TOX3: variants seen among roughly 807,000 people sequenced by gnomAD.
TOX3 encodes the protein CAG trinucleotide repeat-containing gene F9 protein.
Under a neutral mutation model 64.3 loss-of-function variants are expected in TOX3, and 22 were observed. The ratio of observed to expected loss-of-function variants is 0.34; its 90% CI spans 0.24 to 0.49. The LOEUF is 0.49. Ranked by LOEUF, TOX3 falls within the 20% of genes least tolerant of loss-of-function variation. The probability of loss-of-function intolerance (pLI) is 0.99; values close to 1 mark genes in which losing one functional copy is unlikely to be tolerated. For missense variants in TOX3, 661 were observed against 714.4 expected (o/e 0.93, Z 0.85); for synonymous variants, 291 against 273.6 (o/e 1.06, Z -0.63).
intron 2 of TOX3, among the ~76,000 whole-genome samples, chr16:52,465,623 A>C (rs1960843088): frequency 6.6e-6 from 1 of 151,870 alleles, no homozygotes; most frequent in African/African-American, 2.4e-5. Context: ...TGCTATTATC[A>C]GTTAAGAGGA....
chr16:52,485,246 G>GTGTGTATATATATATATATATA (rs1555484130), intron 1 of TOX3, among the ~76,000 whole-genome samples: 4 of 127,890 alleles, frequency 3.1e-5, no homozygotes, highest in African/African-American at 1.3e-4. Context: ...ATGTGTGTGT[G>GTGTGTATATATATATATATATA]TATATATATA....
chr16:52,491,082 A>G (rs1158297079), intron 1 of TOX3, among the ~76,000 whole-genome samples: 1 of 152,204 alleles, frequency 6.6e-6, no homozygotes, highest in African/African-American at 2.4e-5. Context: ...CAGCCTAATT[A>G]AAACTCTTTT....
chr16:52,480,129 G>T (rs553308590), intron 1 of TOX3, among the ~76,000 whole-genome samples: 1 of 152,188 alleles, frequency 6.6e-6, no homozygotes, highest in Non-Finnish European at 1.5e-5. Context: ...GCACACGATA[G>T]GTTCTCAATT....
intron 1 of TOX3, among the ~76,000 whole-genome samples, chr16:52,508,068 G>T (rs573452768): frequency 1.3e-5 from 2 of 152,326 alleles, no homozygotes; most frequent in African/African-American, 4.8e-5. Flanking sequence ...TGTAAGCAAA[G>T]AAATACGCTA....
At chr16:52,532,006 G>A (rs1241892525) in intron 1 of TOX3, among the ~76,000 whole-genome samples, 1 of 152,176 alleles carries the variant, frequency 6.6e-6, no homozygotes, top group Non-Finnish European at 1.5e-5. Flanking sequence ...GAAATTCAAA[G>A]GGGAGTTTGG....
At chr16:52,445,836 T>C in intron 5 of TOX3, 158 bp downstream of exon 5, 2 of 692,918 alleles carry the variant, frequency 2.9e-6, no homozygotes, top group Non-Finnish European at 4.7e-6. Context: ...GAGAGTTGTT[T>C]AGATTTATAT....
rs1297487035 is a variant in TOX3 at position 52,546,917 on chromosome 16, C to G, written c.-194G>C. 10 of 1,074,720 alleles carry G rather than the reference C, an allele frequency of 9.3e-6. No individual in the cohort carries two copies. The highest frequency in any genetic ancestry group is 1.1e-5 in the Non-Finnish European group (10 of 888,666). The allele number at this position is 1,074,720 out of a possible 1,614,324, so 66.6% of individuals were successfully genotyped here. A position where few individuals can be genotyped will look rare whatever the true frequency, so the allele number is the denominator to read the frequency against. ...CGCCGCACACAAAGGCGCGGCCACG[C>G]GAGCCGCGGGAGAGCGGGAGGCGGC... On this transcript the variant is annotated 5_prime_UTR_variant, in exon 1 of 7. Transcript: ENST00000219746.
At chr16:52,468,699 C>T (rs1000298021) in intron 1 of TOX3, 125 bp from the exon 2 acceptor site, 4 of 694,042 alleles carry the variant, frequency 5.8e-6, no homozygotes, top group Admixed American at 2.5e-5. Context: ...CAAAACATGA[C>T]AAAGGTTTCA....
At chr16:52,531,345 C>G (rs552505890) in intron 1 of TOX3, among the ~76,000 whole-genome samples, 5 of 152,142 alleles carry the variant, frequency 3.3e-5, no homozygotes, top group African/African-American at 4.8e-5. Flanking sequence ...GAGCAGAACT[C>G]AAACAGTTAA....
rs190725644 is a variant in TOX3 at position 52,466,093 on chromosome 16, A to G, written c.154-1905T>C. Among the ~76,000 whole-genome samples, 3 of 152,290 alleles carry G rather than the reference A, an allele frequency of 2.0e-5. No homozygotes were observed. The East Asian group carries it at 5.8e-4, about 29-fold the overall frequency. ...CTAATATGGTCTAGTAACAGATGCAACTGTAATTTGTGACTCATTTGCTAC... is the reference window on the plus strand; with the variant it reads ...CTAATATGGTCTAGTAACAGATGCAGCTGTAATTTGTGACTCATTTGCTAC... On this transcript the variant is annotated intron_variant, in intron 2 of 6. Transcript: ENST00000219746.
In TOX3 at chr16:52,546,773, C is replaced by T. The variant is rs1442449016; in HGVS notation, c.-50G>A. 1 of 1,435,208 alleles carries T rather than the reference C, an allele frequency of 7.0e-7. No homozygotes were observed. The highest frequency in any genetic ancestry group is 9.1e-7 in the Non-Finnish European group (1 of 1,094,784). The allele number at this position is 1,435,208 out of a possible 1,614,324, so 88.9% of individuals were successfully genotyped here. On this transcript the variant is annotated 5_prime_UTR_variant, in exon 1 of 7. Transcript: ENST00000219746. ...GGCCGGGACTGGGGTTCGCCGGGGC[C>T]GGGACCCGCCTCCTCGCCGCCGCTA...
rs1959869758 is a variant in TOX3, at chr16:52,439,453, A to T, written c.1503T>A (p.Ile501=). Residue 501 remains isoleucine (I), a synonymous_variant, in exon 7 of 7, where the codon ATT becomes ATA. Transcript: ENST00000219746. ...GCTGCTGCTGCAGCTGCTGTTGATT[A>T]ATTTGCTGCTGGAGATGCTGCTGCT... ...QQQQQHLQQQ[I]NQQQLQQQLQ... is the part of the protein sequence containing the mutation. 2.7e-6 allele frequency: 4 copies of T among 1,495,556 alleles called. No individual in the cohort carries two copies. Among genetic ancestry groups the T allele is most frequent in the Non-Finnish European group, 2.7e-6 (3 of 1,095,598 alleles). The allele number at this position is 1,495,556 out of a possible 1,614,324, so 92.6% of individuals were successfully genotyped here.
intron 1 of TOX3, among the ~76,000 whole-genome samples, chr16:52,521,552 G>C (rs1962609667): frequency 6.6e-6 from 1 of 152,090 alleles, no homozygotes; most frequent in Admixed American, 6.5e-5. Context: ...TTTTGCCTTT[G>C]TGCATGGCCA....
At chr16:52,520,200 T>G (rs1285218730) in intron 1 of TOX3, among the ~76,000 whole-genome samples, 1 of 152,206 alleles carries the variant, frequency 6.6e-6, no homozygotes, top group Non-Finnish European at 1.5e-5. Context: ...TTTCTAAATA[T>G]ATTTAAAAAC....
At chr16:52,468,681 C>A in intron 1 of TOX3, 107 bp from the exon 2 acceptor site, 3 of 822,360 alleles carry the variant, frequency 3.6e-6, no homozygotes, top group South Asian at 3.3e-5. Context: ...GTTTTATCAG[C>A]CCAAATGCAA....
Position 52,436,510 on chromosome 16 carries a change from T to C in TOX3, c.*2715A>G, listed in dbSNP as rs954380721. 2.6e-5 allele frequency among the ~76,000 whole-genome samples: 4 copies of C among 152,322 alleles called. No individual in the cohort carries two copies. Among genetic ancestry groups the C allele is most frequent in the African/African-American group, 9.6e-5 (4 of 41,580 alleles). On this transcript the variant is annotated 3_prime_UTR_variant, in exon 7 of 7. Transcript: ENST00000219746. ...GTCTCAGGAATAGAAACCAGTCATA[T>C]GTATAAACTGAAATATAAATGGATA...
chr16:52,482,432 A>G (rs1228735360), intron 1 of TOX3, among the ~76,000 whole-genome samples: 1 of 152,184 alleles, frequency 6.6e-6, no homozygotes, highest in Non-Finnish European at 1.5e-5. Flanking sequence ...ATTCTAAAAG[A>G]GTGACTCAAC....
intron 1 of TOX3, among the ~76,000 whole-genome samples, chr16:52,484,794 G>T (rs1480628064): frequency 6.6e-6 from 1 of 152,092 alleles, no homozygotes; most frequent in African/African-American, 2.4e-5. Context: ...CTATTGATGG[G>T]AATGGAAATT....
intron 2 of TOX3, among the ~76,000 whole-genome samples, chr16:52,465,005 C>CTTTTTTTTTTTTTTTTTTTTTTTTT (rs1168498170): frequency 2.8e-5 from 2 of 70,942 alleles, no homozygotes; most frequent in Admixed American, 2.1e-4. Context: ...TTAATGCATT[C>CTTTTTTTTTTTTTTTTTTTTTTTTT]TTTTTTTTTT....
Sources: gnomAD v4.1 joint callset for allele counts (sites outside exome capture counted in the v4.1 genomes callset) on GRCh38, gnomAD v4.1.1 for gene constraint, MANE v1.5 for transcripts, NCBI Gene and HGNC (gene_info 2026-07-23, HGNC 2026-07-21) for gene names.